The following FRMD4B variants were observed in gnomAD, a reference collection of about 807,000 sequenced individuals.
FRMD4B encodes the protein FERM domain containing 4B, also known as FERM domain-containing protein 4B.
Under a neutral mutation model 141.5 loss-of-function variants are expected in FRMD4B, and 74 were observed. The observed-to-expected ratio is 0.52, with a 90% CI of 0.43 to 0.63. The LOEUF (loss-of-function observed/expected upper bound fraction) is 0.63. Ranked by LOEUF, FRMD4B falls within the 30% of genes least tolerant of loss-of-function variation. The pLI is 0.00. For missense variants in FRMD4B, 1,366 were observed against 1,253.4 expected (o/e 1.09, Z -1.36); for synonymous variants, 506 against 467.9 (o/e 1.08, Z -1.05).
intron 11 of FRMD4B, among the ~76,000 whole-genome samples, chr3:69,202,855 A>G (rs1435437934): frequency 7.9e-6 from 1 of 126,406 alleles, no homozygotes; most frequent in Non-Finnish European, 1.8e-5. Context: ...AAGTAAATAG[A>G]AAGATAAAAT....
intron 2 of FRMD4B, among the ~76,000 whole-genome samples, chr3:69,427,857 T>G (rs1056037211): frequency 4.6e-5 from 7 of 151,848 alleles, no homozygotes; most frequent in African/African-American, 1.7e-4. Context: ...GGTTTCACCA[T>G]GTTGGCCAGG....
In FRMD4B at chr3:69,174,415, C is replaced by A. The variant is rs141696048; in HGVS notation, c.2984+2109G>T. Reference sequence around the variant, plus strand: ...ACTGTATGTACAATATCATTATAACCATGTTAAGTGGACAGAGAAAAATGG... The same window carrying A: ...ACTGTATGTACAATATCATTATAACAATGTTAAGTGGACAGAGAAAAATGG... On this transcript the variant is annotated intron_variant, in intron 22 of 22. Coordinates refer to ENST00000398540, the MANE Select transcript of FRMD4B (RefSeq NM_015123.3). Among the ~76,000 whole-genome samples, 1,166 of 152,122 alleles carry A rather than the reference C, an allele frequency of 7.7e-3. 14 individuals carry two copies. Among genetic ancestry groups the A allele is most frequent in the African/African-American group, 0.027 (1,120 of 41,490 alleles).
chr3:69,312,812 C>A (rs1324360679), intron 2 of FRMD4B, among the ~76,000 whole-genome samples: 2 of 152,102 alleles, frequency 1.3e-5, no homozygotes, highest in African/African-American at 4.8e-5. Context: ...TCACTTGAAC[C>A]CGGGAGGCAG....
intron 1 of FRMD4B, among the ~76,000 whole-genome samples, chr3:69,319,696 C>T (rs186246324): frequency 6.6e-6 from 1 of 152,308 alleles, no homozygotes; most frequent in African/African-American, 2.4e-5. Context: ...ATGATGCTTA[C>T]ATGAGGTGGG....
At chr3:69,331,626 C>T (rs1231516149) in intron 1 of FRMD4B, among the ~76,000 whole-genome samples, 3 of 152,160 alleles carry the variant, frequency 2.0e-5, no homozygotes, top group Non-Finnish European at 4.4e-5. Flanking sequence ...TACCTCACTT[C>T]TCTTGACCCT....
intron 5 of FRMD4B, among the ~76,000 whole-genome samples, chr3:69,259,327 T>A (rs1047139999): frequency 2.0e-5 from 3 of 152,196 alleles, no homozygotes; most frequent in Non-Finnish European, 2.9e-5. Context: ...TAAATACAGA[T>A]GAAGCTTCTC....
chr3:69,205,059 C>CA (rs33955997), intron 11 of FRMD4B, among the ~76,000 whole-genome samples: 95,170 of 124,504 alleles, frequency 0.76, 36,165 homozygotes, highest in Middle Eastern at 0.86. Flanking sequence ...ATGTTTTTAA[C>CA]AAAAAAAAAA....
At position 69,385,919 on chromosome 3, in the gene FRMD4B, G is replaced by A; in HGVS notation, c.71C>T (p.Thr24Ile). 1 of 1,605,226 alleles carries A rather than the reference G, an allele frequency of 6.2e-7. No homozygotes were observed. The highest frequency in any genetic ancestry group is 8.5e-7 in the Non-Finnish European group (1 of 1,176,416). Residue 24 changes from threonine to isoleucine, a missense_variant, in exon 1 of 23, where the codon ACC (threonine) becomes ATC (isoleucine). Physicochemically the swap from Thr to Ile is moderately conservative, Grantham distance 89. Coordinates refer to ENST00000398540, the MANE Select transcript of FRMD4B (RefSeq NM_015123.3). ...FSGSRFVWNL[T>I]VSTLRRWYTE... Reference sequence around the variant, plus strand: ...GTACCATCTCCGCAGCGTGGACACGGTCAAGTTCCATACGAAGCGGCTGCC... The same window carrying A: ...GTACCATCTCCGCAGCGTGGACACGATCAAGTTCCATACGAAGCGGCTGCC...
intron 11 of FRMD4B, among the ~76,000 whole-genome samples, chr3:69,214,912 C>A (rs2093124296): frequency 6.6e-6 from 1 of 151,950 alleles, no homozygotes; most frequent in African/African-American, 2.4e-5. Flanking sequence ...TGAAGTCTCA[C>A]CCTGTCGCCC....
intron 1 of FRMD4B, among the ~76,000 whole-genome samples, chr3:69,372,229 A>G (rs1703844600): frequency 6.6e-6 from 1 of 152,022 alleles, no homozygotes; most frequent in African/African-American, 2.4e-5. Context: ...CTTTTGTCAC[A>G]TTTCTCCCTT....
intron 1 of FRMD4B, among the ~76,000 whole-genome samples, chr3:69,534,990 T>A (rs1055028581): frequency 6.6e-6 from 1 of 152,072 alleles, no homozygotes; most frequent in Non-Finnish European, 1.5e-5. Context: ...ATAGCTAGAA[T>A]TTTTTTTAGT....
At chr3:69,188,547 G>C (rs984739866) in intron 18 of FRMD4B, among the ~76,000 whole-genome samples, 1 of 151,268 alleles carries the variant, frequency 6.6e-6, no homozygotes. Flanking sequence ...CATGAGGTCA[G>C]GAGATCGAGA....
chr3:69,425,799 A>C (rs1322837349), intron 2 of FRMD4B, among the ~76,000 whole-genome samples: 1 of 152,226 alleles, frequency 6.6e-6, no homozygotes, highest in African/African-American at 2.4e-5. Context: ...AGGATTAATT[A>C]GTAACTCTCC....
intron 5 of FRMD4B, among the ~76,000 whole-genome samples, chr3:69,274,435 A>T (rs1274788487): frequency 2.6e-5 from 4 of 152,192 alleles, no homozygotes; most frequent in African/African-American, 9.6e-5. Flanking sequence ...GATGTTAAGC[A>T]GGGGAGATGG....
intron 5 of FRMD4B, among the ~76,000 whole-genome samples, chr3:69,257,361 G>A (rs534127163): frequency 6.6e-6 from 1 of 152,260 alleles, no homozygotes; most frequent in South Asian, 2.1e-4. Context: ...ATCCCATTGG[G>A]AGGACCCATG....
At chr3:69,229,596 C>A (rs2107778513) in intron 7 of FRMD4B, among the ~76,000 whole-genome samples, 1 of 152,220 alleles carries the variant, frequency 6.6e-6, no homozygotes, top group South Asian at 2.1e-4. Context: ...GATAGCTTGG[C>A]AGAAAAATGA....
At chr3:69,250,771 G>A (rs2093459802) in intron 5 of FRMD4B, among the ~76,000 whole-genome samples, 1 of 143,842 alleles carries the variant, frequency 7.0e-6, no homozygotes, top group South Asian at 2.2e-4. Flanking sequence ...AAGAAAAATT[G>A]GAGCTCTGGG....
intron 4 of FRMD4B, among the ~76,000 whole-genome samples, chr3:69,296,048 C>A (rs1223853292): frequency 6.6e-6 from 1 of 152,124 alleles, no homozygotes; most frequent in Non-Finnish European, 1.5e-5. Context: ...AACTCCTGAC[C>A]TTGTGATCCA....
chr3:69,287,637 T>G, intron 5 of FRMD4B, 115 bp downstream of exon 5: 3 of 673,002 alleles, frequency 4.5e-6, no homozygotes, highest in Middle Eastern at 2.4e-4. Flanking sequence ...ATGGAAAAGA[T>G]TGTGGCCTTT....
Sources: allele counts gnomAD v4.1 joint callset (sites outside exome capture counted in the v4.1 genomes callset), GRCh38; gene constraint gnomAD v4.1.1; transcripts MANE v1.5; gene names NCBI Gene and HGNC (gene_info 2026-07-23, HGNC 2026-07-21).